UBE2L3: variants seen among roughly 807,000 people sequenced by gnomAD.
The protein encoded by UBE2L3 is ubiquitin-conjugating enzyme E2 L3.
UBE2L3 carries 1 observed loss-of-function variant against 17.8 expected under a neutral mutation model. That is an observed-to-expected ratio of 0.06 (90% CI 0.02 to 0.27). The LOEUF is 0.27. Among genes scored for constraint, UBE2L3 ranks in the 10% least tolerant of loss-of-function variants. The probability of loss-of-function intolerance (pLI) is 1.00; values close to 1 mark genes in which losing one functional copy is unlikely to be tolerated. For missense variants in UBE2L3, 40 were observed against 192.6 expected, an observed-to-expected ratio of 0.21 and a Z score of 4.69; for synonymous variants, 44 against 68.5, an observed-to-expected ratio of 0.64 and a Z score of 1.76.
chr22:21,593,044 GCT>G, intron 2 of UBE2L3, 88 bp downstream of exon 2: 1 of 1,156,326 alleles, frequency 8.6e-7, no homozygotes, highest in Non-Finnish European at 1.3e-6. Flanking sequence ...TCCTTAGTAG[GCT>G]CTTAGTCTAG....
At chr22:21,578,398 A>C (rs1244316531) in intron 1 of UBE2L3, among the ~76,000 whole-genome samples, 1 of 151,450 alleles carries the variant, frequency 6.6e-6, no homozygotes, top group Non-Finnish European at 1.5e-5. Context: ...GCATAAGAAA[A>C]CCTAAGCTTC....
intron 1 of UBE2L3, among the ~76,000 whole-genome samples, chr22:21,558,729 A>G (rs1370150431): frequency 6.7e-6 from 1 of 150,352 alleles, no homozygotes; most frequent in Non-Finnish European, 1.5e-5. Flanking sequence ...ATCTCGAGTG[A>G]TCCTCCCACC....
chr22:21,615,214 G>A (rs1444249333), intron 3 of UBE2L3, among the ~76,000 whole-genome samples: 1 of 151,696 alleles, frequency 6.6e-6, no homozygotes, highest in Non-Finnish European at 1.5e-5. Flanking sequence ...ATATTATTTA[G>A]CCATAAAAAG....
chr22:21,616,149 G>C (rs1320371198), intron 3 of UBE2L3, among the ~76,000 whole-genome samples: 1 of 152,144 alleles, frequency 6.6e-6, no homozygotes, highest in African/African-American at 2.4e-5. Flanking sequence ...CTAAACCTCT[G>C]TTTCCCTTAG....
intron 1 of UBE2L3, among the ~76,000 whole-genome samples, chr22:21,571,511 C>T (rs948435699): frequency 5.9e-5 from 9 of 152,108 alleles, no homozygotes; most frequent in Non-Finnish European, 7.4e-5. Context: ...CAGGTTCAAG[C>T]GATTCTCCTG....
intron 1 of UBE2L3, among the ~76,000 whole-genome samples, chr22:21,584,830 G>A (rs1927849531): frequency 6.6e-6 from 1 of 152,072 alleles, no homozygotes; most frequent in Non-Finnish European, 1.5e-5. Context: ...GCATGGTGGT[G>A]CGTGCCTGTA....
At chr22:21,559,032 G>A (rs1276218071) in intron 1 of UBE2L3, among the ~76,000 whole-genome samples, 3 of 151,504 alleles carry the variant, frequency 2.0e-5, no homozygotes, top group Admixed American at 6.6e-5. Flanking sequence ...ACCCTCTCCC[G>A]GTCCAGCTTT....
rs964551347 is a variant in UBE2L3 at position 21,592,974 on chromosome 22, C to A, written c.123+18C>A. ...TTGTTCCTGTGAGTATTGAACACTT[C>A]CACTTCCTACCAGATTATTCTTTAA... On this transcript the variant is annotated intron_variant, in intron 2 of 3. Coordinates refer to ENST00000342192, the MANE Select transcript of UBE2L3 (RefSeq NM_003347.4). 3.2e-5 allele frequency: 51 copies of A among 1,589,880 alleles called. No homozygotes were observed. Among genetic ancestry groups the A allele is most frequent in the Middle Eastern group, 1.7e-4 (1 of 6,006 alleles).
chr22:21,617,027 G>A (rs927242982), intron 3 of UBE2L3, among the ~76,000 whole-genome samples: 3 of 151,450 alleles, frequency 2.0e-5, no homozygotes, highest in Non-Finnish European at 2.9e-5. Context: ...TGGCTAACAC[G>A]GTGAAACCCC....
At chr22:21,604,487 ACTCTAT>A (rs1292333854) in intron 2 of UBE2L3, among the ~76,000 whole-genome samples, 1 of 152,048 alleles carries the variant, frequency 6.6e-6, no homozygotes, top group Non-Finnish European at 1.5e-5. Flanking sequence ...CAAGCGTGAG[ACTCTAT>A]CTCTAAATAA....
At chr22:21,575,294 A>C (rs1226579117) in intron 1 of UBE2L3, among the ~76,000 whole-genome samples, 1 of 150,100 alleles carries the variant, frequency 6.7e-6, no homozygotes, top group Non-Finnish European at 1.5e-5. Context: ...GAAAAAGAAA[A>C]ATGTTTACTT....
At chr22:21,582,944 C>A (rs1053907173) in intron 1 of UBE2L3, among the ~76,000 whole-genome samples, 3 of 152,128 alleles carry the variant, frequency 2.0e-5, no homozygotes, top group Non-Finnish European at 4.4e-5. Flanking sequence ...TCCTAGATGG[C>A]GCCTAGGCAC....
At chr22:21,566,576 ACT>A (rs1443217496), upstream of UBE2L3, among the ~76,000 whole-genome samples, 1 of 143,848 alleles carries the variant, frequency 7.0e-6, no homozygotes, top group African/African-American at 2.5e-5. Flanking sequence ...ACAGATCAAG[ACT>A]CTGTCTCAAA....
chr22:21,585,236 A>G (rs1927873349), intron 1 of UBE2L3, among the ~76,000 whole-genome samples: 1 of 152,164 alleles, frequency 6.6e-6, no homozygotes, highest in Non-Finnish European at 1.5e-5. Context: ...GACGCTAAAC[A>G]TGGCACAAAC....
chr22:21,615,716 T>C (rs1929735648), intron 3 of UBE2L3, among the ~76,000 whole-genome samples: 1 of 152,194 alleles, frequency 6.6e-6, no homozygotes, highest in Admixed American at 6.5e-5. Flanking sequence ...AAATCAATAC[T>C]CTCGGCACTC....
chr22:21,597,242 A>C (rs955474849), intron 2 of UBE2L3, among the ~76,000 whole-genome samples: 1 of 152,172 alleles, frequency 6.6e-6, no homozygotes, highest in Non-Finnish European at 1.5e-5. Context: ...AGCCTACCAA[A>C]GTGCTGGGAT....
At position 21,619,327 on chromosome 22, in the gene UBE2L3, A is replaced by G. The variant is rs143030167; in HGVS notation, c.311-2188A>G. 6.7e-4 allele frequency among the ~76,000 whole-genome samples: 102 copies of G among 152,258 alleles called. 1 individual carries two copies. The East Asian group carries it at 0.018, about 27-fold the overall frequency. The stretch of plus-strand genomic sequence containing the variant: ...CTTGTACAGGGAGGTGATACCACCT[A>G]CCCCTGAAGAGGCTTAGAGACTGAA... On this transcript the variant is annotated intron_variant, in intron 3 of 3. Coordinates refer to ENST00000342192, the MANE Select transcript of UBE2L3 (RefSeq NM_003347.4).
At chr22:21,579,371 G>A (rs1283772278) in intron 1 of UBE2L3, among the ~76,000 whole-genome samples, 1 of 152,134 alleles carries the variant, frequency 6.6e-6, no homozygotes, top group Non-Finnish European at 1.5e-5. Flanking sequence ...TGATGTCTTG[G>A]CATGGGTCCT....
At chr22:21,612,314 G>C (rs1035391788) in intron 3 of UBE2L3, among the ~76,000 whole-genome samples, 3 of 152,008 alleles carry the variant, frequency 2.0e-5, no homozygotes, top group Non-Finnish European at 2.9e-5. Context: ...CTCAGTGCCT[G>C]GTTTTTTCTT....
Sources: allele counts gnomAD v4.1 joint callset (sites outside exome capture counted in the v4.1 genomes callset), GRCh38; gene constraint gnomAD v4.1.1; transcripts MANE v1.5; gene names NCBI Gene and HGNC (gene_info 2026-07-23, HGNC 2026-07-21).